Variants in XPO5 observed in about 807,000 individuals in gnomAD.
XPO5 encodes exportin 5.
A neutral mutation model predicts 160.6 loss-of-function variants in XPO5; 46 were observed. The observed-to-expected ratio is 0.29, with a 90% CI of 0.23 to 0.37. The LOEUF (loss-of-function observed/expected upper bound fraction) is 0.37. Ranked by LOEUF, XPO5 falls within the 10% of genes least tolerant of loss-of-function variation. The probability of loss-of-function intolerance (pLI) is 1.00; values close to 1 mark genes in which losing one functional copy is unlikely to be tolerated. For missense variants in XPO5, 1,090 were observed against 1,463.9 expected (o/e 0.74, Z 4.17); for synonymous variants, 537 against 519.3 (o/e 1.03, Z -0.46).
At chr6:43,562,837 A>C (rs1378677560) in intron 8 of XPO5, among the ~76,000 whole-genome samples, 1 of 152,220 alleles carries the variant, frequency 6.6e-6, no homozygotes, top group Non-Finnish European at 1.5e-5. Context: ...GGAACTAAGA[A>C]TTGGACCTAA....
Position 43,573,589 on chromosome 6 carries a change from A to T in XPO5, c.118T>A (p.Phe40Ile). 6.2e-7 allele frequency: 1 copy of T among 1,612,468 alleles called. No individual in the cohort carries two copies. Among genetic ancestry groups the T allele is most frequent in the Non-Finnish European group, 8.5e-7 (1 of 1,179,188 alleles). The change falls in exon 2 of 32, where the codon TTT (phenylalanine) becomes ATT (isoleucine). Residue 40 changes from phenylalanine to isoleucine, a missense_variant. Around this residue, in one of 3 missense-constraint regions of XPO5, gnomAD observed 170 missense variants for 227.0 expected, o/e 0.75. Coordinates refer to ENST00000265351, the MANE Select transcript of XPO5 (RefSeq NM_020750.3). Reference sequence around the variant, plus strand: ...ACACAGATAGGACACTTTTCTTTAAACTCCTCACAAAACTGAAAGAAGAAA... The same window carrying T: ...ACACAGATAGGACACTTTTCTTTAATCTCCTCACAAAACTGAAAGAAGAAA... ...RLEALKFCEEFKEKCPICVPC... is the reference protein window; with the variant it reads ...RLEALKFCEEIKEKCPICVPC...
intron 26 of XPO5, 74 bp downstream of exon 26, chr6:43,527,560 C>T: frequency 6.7e-7 from 1 of 1,488,388 alleles, no homozygotes; most frequent in African/African-American, 1.4e-5. Context: ...GTCAGGCCTT[C>T]ATGGAGTTGG....
chr6:43,558,351 T>C lies in XPO5; in HGVS notation c.1312+150A>G, dbSNP rs1762222506. On this transcript the variant is annotated intron_variant, in intron 12 of 31. Transcript: ENST00000265351. ...TGCCTGGAATACAGCCCCAGCACTC[T>C]TCTGCAATGGGAAACTAGGGCCTAA... 21 of 671,322 alleles carry C rather than the reference T, an allele frequency of 3.1e-5. No individual in the cohort carries two copies. In the South Asian group the frequency reaches 4.1e-4, roughly 13 times the overall value. The allele number at this position is 671,322 out of a possible 1,614,324, so 41.6% of individuals were successfully genotyped here. A position where few individuals can be genotyped will look rare whatever the true frequency, so the allele number is the denominator to read the frequency against.
intron 8 of XPO5, among the ~76,000 whole-genome samples, chr6:43,564,816 G>T (rs1371115054): frequency 6.6e-6 from 1 of 152,014 alleles, no homozygotes; most frequent in African/African-American, 2.4e-5. Context: ...TGTTGCTCAG[G>T]TTGGTCTCAA....
intron 20 of XPO5, among the ~76,000 whole-genome samples, chr6:43,540,391 A>C (rs1794629229): frequency 6.6e-6 from 1 of 152,214 alleles, no homozygotes; most frequent in South Asian, 2.1e-4. Context: ...AAGCAGGAGA[A>C]TGCCGTGAAC....
chr6:43,536,125 G>A (rs542535476), intron 20 of XPO5, among the ~76,000 whole-genome samples: 17 of 147,194 alleles, frequency 1.2e-4, no homozygotes, highest in Non-Finnish European at 1.3e-4. Flanking sequence ...AAAGTCATTC[G>A]CTACCCTGGC....
chr6:43,571,795 C>G (rs1763022955), intron 3 of XPO5, among the ~76,000 whole-genome samples: 1 of 150,472 alleles, frequency 6.6e-6, no homozygotes, highest in Non-Finnish European at 1.5e-5. Context: ...GCAACAGAGA[C>G]TCTGTCTCAA....
chr6:43,561,382 CT>C (rs889339855), intron 9 of XPO5: 71 of 163,130 alleles, frequency 4.4e-4, no homozygotes, highest in Middle Eastern at 2.9e-3. Flanking sequence ...AGTTTCTTTT[CT>C]TTTTTTTTTC....
intron 30 of XPO5, 30 bp downstream of exon 30, chr6:43,524,801 C>T (rs767568173): frequency 6.2e-7 from 1 of 1,611,140 alleles, no homozygotes; most frequent in Non-Finnish European, 8.5e-7. Flanking sequence ...GAAGCTGCAG[C>T]CATCCTTCCC....
intron 14 of XPO5, among the ~76,000 whole-genome samples, chr6:43,551,824 C>A (rs1043067955): frequency 6.6e-6 from 1 of 152,122 alleles, no homozygotes; most frequent in Non-Finnish European, 1.5e-5. Context: ...CACCACCATG[C>A]CTGGCTAATT....
At chr6:43,539,500 G>C (rs1234944434) in intron 20 of XPO5, 3 of 1,570,762 alleles carry the variant, frequency 1.9e-6, no homozygotes, top group African/African-American at 2.7e-5. Flanking sequence ...CCTTGACCAA[G>C]CGGCCCAGCT....
chr6:43,568,546 C>CA (rs1258403882), intron 6 of XPO5, among the ~76,000 whole-genome samples, 165 bp downstream of exon 6: 2 of 151,984 alleles, frequency 1.3e-5, no homozygotes, highest in Non-Finnish European at 1.5e-5. Context: ...GTCATGGCTG[C>CA]AGTGAGCTGA....
intron 20 of XPO5, among the ~76,000 whole-genome samples, chr6:43,545,169 C>T (rs574029154): frequency 7.2e-5 from 11 of 152,084 alleles, no homozygotes; most frequent in East Asian, 5.9e-4. Context: ...CACCACACCC[C>T]GCCAAAATAT....
chr6:43,551,110 G>A (rs1259793128), intron 15 of XPO5, 188 bp downstream of exon 15: 2 of 457,498 alleles, frequency 4.4e-6, no homozygotes, highest in Non-Finnish European at 7.4e-6. Flanking sequence ...ATTAGCCTAG[G>A]CCAGGCATGG....
chr6:43,555,690 A>ATTTTT, intron 13 of XPO5, 146 bp downstream of exon 13: 1 of 947,568 alleles, frequency 1.1e-6, no homozygotes, highest in Non-Finnish European at 1.4e-6. Flanking sequence ...GCCAATGAAA[A>ATTTTT]CGCTCCCTCT....
chr6:43,530,850 G>A (rs1398937057), intron 22 of XPO5, 26 bp from the exon 23 acceptor site: 1 of 1,596,086 alleles, frequency 6.3e-7, no homozygotes, highest in Non-Finnish European at 8.5e-7. Flanking sequence ...AAAGAGCATT[G>A]AAAATGACAA....
chr6:43,534,721 G>C (rs1178436233), intron 20 of XPO5, among the ~76,000 whole-genome samples: 5 of 152,148 alleles, frequency 3.3e-5, no homozygotes, highest in African/African-American at 1.2e-4. Context: ...TTCTAGGCTG[G>C]GCTCGGTGGC....
At chr6:43,560,392 A>AGGGTT in intron 10 of XPO5, 89 bp from the exon 11 acceptor site, 1 of 1,429,036 alleles carries the variant, frequency 7.0e-7, no homozygotes. Flanking sequence ...ACATTTTTTC[A>AGGGTT]TAGAAATAAA....
At chr6:43,545,340 G>A (rs1360486020) in intron 20 of XPO5, among the ~76,000 whole-genome samples, 2 of 152,128 alleles carry the variant, frequency 1.3e-5, no homozygotes, top group East Asian at 1.9e-4. Flanking sequence ...GGTTTGCCCC[G>A]TTGAGACTGC....
Sources: allele counts gnomAD v4.1 joint callset (sites outside exome capture counted in the v4.1 genomes callset), GRCh38; gene constraint gnomAD v4.1.1; regional missense constraint gnomAD v4.1.1; transcripts MANE v1.5; gene names NCBI Gene and HGNC (gene_info 2026-07-23, HGNC 2026-07-21).